CHMP3: variants seen among roughly 807,000 people sequenced by gnomAD.
CHMP3 encodes charged multivesicular body protein 3, also known as 25.1 protein.
CHMP3 carries 8 observed loss-of-function variants against 27.4 expected under a neutral mutation model. The ratio of observed to expected loss-of-function variants is 0.29; its 90% CI spans 0.17 to 0.53. The LOEUF is 0.53. Among genes scored for constraint, CHMP3 ranks in the 20% least tolerant of loss-of-function variants. The probability of loss-of-function intolerance (pLI) is 0.96; values close to 1 mark genes in which losing one functional copy is unlikely to be tolerated. For missense variants in CHMP3, 208 were observed against 271.5 expected, an observed-to-expected ratio of 0.77 and a Z score of 1.64; for synonymous variants, 86 against 85.5, an observed-to-expected ratio of 1.01 and a Z score of -0.03.
At chr2:86,515,835 A>G (rs1475503583) in intron 3 of CHMP3, among the ~76,000 whole-genome samples, 1 of 152,198 alleles carries the variant, frequency 6.6e-6, no homozygotes, top group Non-Finnish European at 1.5e-5. Context: ...TGTATTGATC[A>G]TTAAAATTCC....
intron 3 of CHMP3, among the ~76,000 whole-genome samples, chr2:86,524,694 TA>T (rs1675634052): frequency 6.6e-6 from 1 of 152,184 alleles, no homozygotes; most frequent in African/African-American, 2.4e-5. Flanking sequence ...CACCGAGGGA[TA>T]AATGTATATG....
At chr2:86,553,135 T>C (rs1427539419) in intron 1 of CHMP3, among the ~76,000 whole-genome samples, 2 of 151,008 alleles carry the variant, frequency 1.3e-5, no homozygotes, top group East Asian at 1.9e-4. Context: ...CAAACCACCA[T>C]GGCACATGTT....
At chr2:86,513,351 A>C (rs1675176858) in intron 3 of CHMP3, among the ~76,000 whole-genome samples, 1 of 152,242 alleles carries the variant, frequency 6.6e-6, no homozygotes, top group Admixed American at 6.5e-5. Flanking sequence ...AAGAGTTAGT[A>C]GGGAAAAAAG....
rs66978240 is a variant in CHMP3, at chr2:86,555,516, TA to T, written c.45+7787del. On this transcript the variant is annotated intron_variant, in intron 1 of 5. Coordinates refer to ENST00000263856, the MANE Select transcript of CHMP3 (RefSeq NM_016079.4). ...ACTCCATCTCAAAAAAAAAAATAAA[TA>T]AATAAATAATAAATGTGCTGTTTCA... is the stretch of plus-strand genomic sequence containing the variant. 4.2e-3 allele frequency among the ~76,000 whole-genome samples: 612 copies of T among 147,082 alleles called. 10 individuals are homozygous for T. Among genetic ancestry groups the T allele is most frequent in the African/African-American group, 5.2e-3 (209 of 40,156 alleles).
intron 2 of CHMP3, among the ~76,000 whole-genome samples, chr2:86,531,212 T>G (rs7600791): frequency 0.078 from 11,836 of 152,162 alleles, 506 homozygotes; most frequent in African/African-American, 0.089. Context: ...TTTCGCCACG[T>G]TGCCCAGGCT....
chr2:86,532,486 C>A (rs1272289660), intron 2 of CHMP3, among the ~76,000 whole-genome samples: 1 of 152,080 alleles, frequency 6.6e-6, no homozygotes, highest in African/African-American at 2.4e-5. Context: ...AGAGAAGTGG[C>A]AAAAGTGGGT....
At chr2:86,510,277 C>CCCCCAAAAACCAA in intron 4 of CHMP3, 81 bp downstream of exon 4, 1 of 1,118,946 alleles carries the variant, frequency 8.9e-7, no homozygotes, top group Non-Finnish European at 1.3e-6. Flanking sequence ...CATCCCCACC[C>CCCCCAAAAACCAA]ACCCTCATCC....
intron 1 of CHMP3, chr2:86,562,674 T>C (rs1677421178): frequency 1.3e-5 from 2 of 152,192 alleles, no homozygotes; most frequent in Non-Finnish European, 2.9e-5. Context: ...TTTTCAACTG[T>C]TTGCCTCCCA....
At chr2:86,518,961 T>C (rs1675421282) in intron 3 of CHMP3, among the ~76,000 whole-genome samples, 2 of 152,224 alleles carry the variant, frequency 1.3e-5, no homozygotes, top group Non-Finnish European at 2.9e-5. Context: ...AAGATAAATG[T>C]ATTCCATGGC....
intron 1 of CHMP3, among the ~76,000 whole-genome samples, chr2:86,551,696 G>A (rs1676912445): frequency 6.6e-6 from 1 of 152,210 alleles, no homozygotes; most frequent in African/African-American, 2.4e-5. Flanking sequence ...TCATGTAACT[G>A]AGCTTCCCTC....
intron 1 of CHMP3, 133 bp downstream of exon 1, chr2:86,563,171 G>C: frequency 7.4e-6 from 8 of 1,073,902 alleles, no homozygotes; most frequent in Non-Finnish European, 1.1e-5. Context: ...CCCCCCTGTC[G>C]AGTGGGAGTC....
At chr2:86,523,231 T>A (rs964362650) in intron 3 of CHMP3, among the ~76,000 whole-genome samples, 10 of 152,126 alleles carry the variant, frequency 6.6e-5, no homozygotes, top group African/African-American at 2.2e-4. Flanking sequence ...CCCAGGGCCT[T>A]CACACATGCT....
intron 1 of CHMP3, among the ~76,000 whole-genome samples, chr2:86,549,076 G>C (rs1676744780): frequency 6.8e-6 from 1 of 147,958 alleles, no homozygotes; most frequent in South Asian, 2.1e-4. Context: ...CCCAGACGGG[G>C]TGGCGGCCGG....
At chr2:86,523,011 C>T (rs1486241890) in intron 3 of CHMP3, among the ~76,000 whole-genome samples, 1 of 152,212 alleles carries the variant, frequency 6.6e-6, no homozygotes, top group Non-Finnish European at 1.5e-5. Context: ...CCCCAAAATA[C>T]TTTTCCTCTT....
At chr2:86,512,807 G>A in intron 3 of CHMP3, among the ~76,000 whole-genome samples, 1 of 152,208 alleles carries the variant, frequency 6.6e-6, no homozygotes, top group East Asian at 1.9e-4. Context: ...TTTGGGGACT[G>A]TAAATTAAAA....
intron 3 of CHMP3, among the ~76,000 whole-genome samples, chr2:86,520,376 C>CAGAG (rs371645454): frequency 1.3e-5 from 2 of 149,756 alleles, no homozygotes; most frequent in African/African-American, 2.4e-5. Context: ...CGGCAGGAGA[C>CAGAG]AGAGAGAGAG....
chr2:86,534,196 C>CTTTTTTTTTTTTTTT (rs33977886), intron 2 of CHMP3, among the ~76,000 whole-genome samples: 2 of 66,902 alleles, frequency 3.0e-5, no homozygotes, highest in African/African-American at 5.6e-5. Context: ...TGCTTTATTT[C>CTTTTTTTTTTTTTTT]TTTTTTTTTT....
chr2:86,529,155 C>G, intron 3 of CHMP3, 63 bp downstream of exon 3: 1 of 1,422,588 alleles, frequency 7.0e-7, no homozygotes, highest in South Asian at 1.7e-5. Context: ...TTCAAGGAAC[C>G]CGTGTTGATA....
At chr2:86,536,515 T>A (rs1439167990) in intron 2 of CHMP3, among the ~76,000 whole-genome samples, 1 of 152,224 alleles carries the variant, frequency 6.6e-6, no homozygotes, top group African/African-American at 2.4e-5. Flanking sequence ...TTTCTTTCAG[T>A]ATTGAATCCA....
Sources: allele counts gnomAD v4.1 joint callset (sites outside exome capture counted in the v4.1 genomes callset), GRCh38; gene constraint gnomAD v4.1.1; transcripts MANE v1.5; gene names NCBI Gene and HGNC (gene_info 2026-07-23, HGNC 2026-07-21).